The following FBXL14 variants were observed in gnomAD, a reference collection of about 807,000 sequenced individuals.
The protein encoded by FBXL14 is F-box and leucine rich repeat protein 14, also known as F-box/LRR-repeat protein 14.
Under a neutral mutation model 24.5 loss-of-function variants are expected in FBXL14, and 11 were observed. The ratio of observed to expected loss-of-function variants is 0.45; its 90% CI spans 0.28 to 0.74. The LOEUF (loss-of-function observed/expected upper bound fraction) is 0.74. Ranked by LOEUF, FBXL14 falls within the 30% of genes least tolerant of loss-of-function variation. The pLI is 0.12. For synonymous variants in FBXL14, 294 were observed against 240.4 expected (o/e 1.22, Z -2.06); for missense variants, 384 against 545.6 (o/e 0.70, Z 2.95).
chr12:1,582,714 G>A (rs544210908), intron 1 of FBXL14, among the ~76,000 whole-genome samples: 2 of 152,152 alleles, frequency 1.3e-5, no homozygotes, highest in South Asian at 4.1e-4. Flanking sequence ...CTATATTACA[G>A]AGCTTATAAG....
intron 1 of FBXL14, among the ~76,000 whole-genome samples, chr12:1,578,541 T>C (rs899042314): frequency 2.6e-5 from 4 of 152,062 alleles, no homozygotes; most frequent in Admixed American, 2.0e-4. Context: ...CTTGGGAGGC[T>C]GAGGCAGGAG....
rs560469447 is a variant in FBXL14, at chr12:1,573,920, G to A, written c.1195-7110C>T. ...CTCAGGAAGCTGAGGCAGGAGAATC[G>A]CTTGAACCTGGGAGGTGGAGGTTTT... On this transcript the variant is annotated intron_variant, in intron 1 of 1. Coordinates refer to ENST00000339235, the MANE Select transcript of FBXL14 (RefSeq NM_152441.3). 9.9e-5 allele frequency among the ~76,000 whole-genome samples: 15 copies of A among 152,094 alleles called. No individual in the cohort carries two copies. The South Asian group carries it at 1.7e-3, about 17-fold the overall frequency.
At position 1,566,408 on chromosome 12, in the gene FBXL14, A is replaced by G; in HGVS notation, c.*340T>C. 1 of 218,390 alleles carries G rather than the reference A, an allele frequency of 4.6e-6. No homozygotes were observed. The highest frequency in any genetic ancestry group is 1.1e-4 in the East Asian group (1 of 9,180). The allele number at this position is 218,390 out of a possible 1,614,324, so 13.5% of individuals were successfully genotyped here. A position where few individuals can be genotyped will look rare whatever the true frequency, so the allele number is the denominator to read the frequency against. On this transcript the variant is annotated 3_prime_UTR_variant, in exon 2 of 2. Coordinates refer to ENST00000339235, the MANE Select transcript of FBXL14 (RefSeq NM_152441.3). ...TGTACACATGTATATATTTATATGT[A>G]TAAAATTAAAGTGTGGAACTTGTAG...
rs1218401767 is a variant in FBXL14 at position 1,567,116 on chromosome 12, G to C, written c.1195-306C>G. On this transcript the variant is annotated intron_variant, in intron 1 of 1. Transcript: ENST00000339235. The surrounding 1 kb of genome is among the most constrained non-coding windows in gnomAD (Gnocchi z 4.8). ...GCACACTCACGGCCTCTTTACAGCAGCTGCCTTTACCCGGTCACAGCCACT... is the reference window on the plus strand; with the variant it reads ...GCACACTCACGGCCTCTTTACAGCACCTGCCTTTACCCGGTCACAGCCACT... 6.6e-6 allele frequency among the ~76,000 whole-genome samples: 1 copy of C among 152,114 alleles called. No homozygotes were observed. The highest frequency in any genetic ancestry group is 1.5e-5 in the Non-Finnish European group (1 of 68,036).
Position 1,593,484 on chromosome 12 carries a change from G to C in FBXL14, c.583C>G (p.Arg195Gly), listed in dbSNP as rs762427729. Reference protein sequence around the residue: ...VGIGHLAGMTRSAAEGCLGLE... With the variant: ...VGIGHLAGMTGSAAEGCLGLE... ...CCCAGGCAGCCCTCCGCCGCGCTGCGCGTCATGCCGGCCAGGTGCCCGATG... is the reference window on the plus strand; with the variant it reads ...CCCAGGCAGCCCTCCGCCGCGCTGCCCGTCATGCCGGCCAGGTGCCCGATG... Residue 195 changes from arginine to glycine, a missense_variant, in exon 1 of 2, where the codon CGC (arginine) becomes GGC (glycine). Transcript: ENST00000339235. The surrounding 1 kb of genome is among the most constrained non-coding windows in gnomAD (Gnocchi z 7.4). 1 of 1,613,616 alleles carries C rather than the reference G, an allele frequency of 6.2e-7. No homozygotes were observed. Among genetic ancestry groups the C allele is most frequent in the Admixed American group, 1.7e-5 (1 of 59,984 alleles).
intron 1 of FBXL14, chr12:1,587,317 A>C (rs1219926053): frequency 6.6e-6 from 1 of 152,178 alleles, no homozygotes; most frequent in Non-Finnish European, 1.5e-5. Context: ...TTTTTAAAGA[A>C]AATATGTGCA....
intron 1 of FBXL14, among the ~76,000 whole-genome samples, chr12:1,591,104 G>A (rs2094488546): frequency 6.6e-6 from 1 of 152,046 alleles, no homozygotes; most frequent in South Asian, 2.1e-4. Context: ...AAATTTCCAC[G>A]TTGTTGAAAG....
At chr12:1,580,388 C>A (rs570170008) in intron 1 of FBXL14, among the ~76,000 whole-genome samples, 1 of 152,294 alleles carries the variant, frequency 6.6e-6, no homozygotes, top group East Asian at 1.9e-4. Context: ...TGCTTCCAAA[C>A]TCTCTACATC....
intron 1 of FBXL14, among the ~76,000 whole-genome samples, chr12:1,583,465 G>A (rs903637520): frequency 2.0e-5 from 3 of 151,964 alleles, no homozygotes; most frequent in Admixed American, 2.0e-4. Flanking sequence ...CCTGGCTCTG[G>A]GGAGTAACCT....
At chr12:1,592,643 G>A (rs989793844) in intron 1 of FBXL14, among the ~76,000 whole-genome samples, 15 of 152,294 alleles carry the variant, frequency 9.8e-5, no homozygotes, top group South Asian at 4.1e-4. Flanking sequence ...CGGGGAAAAG[G>A]AGCTGGGAGT....
intron 1 of FBXL14, chr12:1,587,578 T>G (rs1173697995): frequency 6.6e-6 from 1 of 152,200 alleles, no homozygotes; most frequent in Admixed American, 6.5e-5. Flanking sequence ...TTTGTGGACA[T>G]TTAAATTTAC....
intron 1 of FBXL14, among the ~76,000 whole-genome samples, chr12:1,582,871 C>T (rs888833815): frequency 2.0e-5 from 3 of 152,132 alleles, no homozygotes; most frequent in African/African-American, 4.8e-5. Context: ...GGGCAAGACC[C>T]GAAGGCCTCT....
chr12:1,583,737 GACATTT>G (rs945639236), intron 1 of FBXL14, among the ~76,000 whole-genome samples: 145 of 152,302 alleles, frequency 9.5e-4, no homozygotes, highest in African/African-American at 3.4e-3. Flanking sequence ...CACAGTGGAG[GACATTT>G]AGTTTTGCAT....
At chr12:1,570,296 C>G (rs999234748) in intron 1 of FBXL14, among the ~76,000 whole-genome samples, 22 of 152,308 alleles carry the variant, frequency 1.4e-4, no homozygotes, top group African/African-American at 5.1e-4. Flanking sequence ...CCACTGGGGC[C>G]AAACCTGCTG....
intron 1 of FBXL14, among the ~76,000 whole-genome samples, chr12:1,576,617 A>G (rs2094456478): frequency 6.6e-6 from 1 of 151,998 alleles, no homozygotes; most frequent in African/African-American, 2.4e-5. Context: ...AATACACGAG[A>G]CGCACTCCCA....
At chr12:1,571,648 C>T (rs765888010) in intron 1 of FBXL14, among the ~76,000 whole-genome samples, 1 of 152,114 alleles carries the variant, frequency 6.6e-6, no homozygotes, top group Non-Finnish European at 1.5e-5. Flanking sequence ...AAATGATTAC[C>T]TTGGGACGGG....
chr12:1,584,862 T>C (rs2094473389), intron 1 of FBXL14, among the ~76,000 whole-genome samples: 2 of 152,298 alleles, frequency 1.3e-5, no homozygotes, highest in South Asian at 4.1e-4. Context: ...TTTTGGGCAA[T>C]GAAGTTAAGG....
In FBXL14 at chr12:1,574,378, G is replaced by A. The variant is rs1021182760; in HGVS notation, c.1195-7568C>T. On this transcript the variant is annotated intron_variant, in intron 1 of 1. Transcript: ENST00000339235. ...GGGTGAGAGGAGGCTGGTGGCAGCGGTGTGGATGGAGGCTGGGGTGGGGGA... is the reference window on the plus strand; with the variant it reads ...GGGTGAGAGGAGGCTGGTGGCAGCGATGTGGATGGAGGCTGGGGTGGGGGA... Among the ~76,000 whole-genome samples, 3 of 151,048 alleles carry A rather than the reference G, an allele frequency of 2.0e-5. No individual in the cohort carries two copies. The East Asian group carries it at 5.8e-4, about 29-fold the overall frequency.
In FBXL14 at chr12:1,594,261, T is replaced by G. The variant is rs867917453; in HGVS notation, c.-195A>C. 12 of 184,272 alleles carry G rather than the reference T, an allele frequency of 6.5e-5. No homozygotes were observed. Among genetic ancestry groups the G allele is most frequent in the South Asian group, 4.8e-4 (3 of 6,186 alleles). 11.4% of individuals were successfully genotyped at this position (184,272 alleles called of 1,614,324 possible). ...GCTCCTCCTCCTGGTCCGTCCGTCC[T>G]TCCTTCCTGCCGGCTGCGCCTCCGG... On this transcript the variant is annotated 5_prime_UTR_variant, in exon 1 of 2. Transcript: ENST00000339235.
Sources: gnomAD v4.1 joint callset for allele counts (sites outside exome capture counted in the v4.1 genomes callset) on GRCh38, gnomAD v4.1.1 for gene constraint, Gnocchi (gnomAD v3.1) non-coding constraint, MANE v1.5 for transcripts, NCBI Gene and HGNC (gene_info 2026-07-23, HGNC 2026-07-21) for gene names.